The following MAF variants were observed in gnomAD, a reference collection of about 807,000 sequenced individuals.
MAF encodes the protein MAF bZIP transcription factor, also known as transcription factor Maf.
In MAF, 10 loss-of-function variants were observed where a neutral mutation model predicts 22.0. The ratio of observed to expected loss-of-function variants is 0.45; its 90% CI spans 0.28 to 0.77. The LOEUF is 0.77. MAF is among the 30% of genes least tolerant of loss of function. The probability of loss-of-function intolerance (pLI) is 0.12; values close to 1 mark genes in which losing one functional copy is unlikely to be tolerated. For missense variants in MAF, 544 were observed against 548.4 expected, an observed-to-expected ratio of 0.99 and a Z score of 0.08; for synonymous variants, 337 against 255.8, an observed-to-expected ratio of 1.32 and a Z score of -3.03.
chr16:79,580,301 G>A, the MAF span, among the ~76,000 whole-genome samples: 1 of 152,144 alleles, frequency 6.6e-6, no homozygotes, highest in African/African-American at 2.4e-5. Context: ...TTAGACTAGG[G>A]TCTTGTCAGG....
the MAF span, among the ~76,000 whole-genome samples, chr16:79,379,853 G>A: frequency 6.6e-6 from 1 of 152,142 alleles, no homozygotes; most frequent in African/African-American, 2.4e-5. Flanking sequence ...ATCAGCTAGA[G>A]GGTGCCTCAC....
the MAF span, among the ~76,000 whole-genome samples, chr16:79,534,277 C>T: frequency 1.2e-3 from 188 of 152,232 alleles, no homozygotes; most frequent in African/African-American, 3.8e-3. Flanking sequence ...TTAGGTGTCA[C>T]GCACACTCTT....
chr16:79,584,724 C>A (rs571637906), downstream of MAF, among the ~76,000 whole-genome samples: 7 of 139,846 alleles, frequency 5.0e-5, no homozygotes, highest in African/African-American at 1.7e-4. Context: ...ACAAATTAAC[C>A]CCAAATGTAT....
At chr16:79,258,653 C>T in the MAF span, among the ~76,000 whole-genome samples, 2 of 152,200 alleles carry the variant, frequency 1.3e-5, no homozygotes, top group Non-Finnish European at 2.9e-5. Flanking sequence ...AACAAGGGGC[C>T]ACCTGCCCCT....
chr16:79,210,063 C>T, the MAF span, among the ~76,000 whole-genome samples: 2 of 152,176 alleles, frequency 1.3e-5, no homozygotes, highest in African/African-American at 4.8e-5. Flanking sequence ...AATTCAGGAC[C>T]AGTGGAACTT....
At chr16:79,320,813 C>T in the MAF span, among the ~76,000 whole-genome samples, 1 of 145,048 alleles carries the variant, frequency 6.9e-6, no homozygotes, top group African/African-American at 2.4e-5. Context: ...TGCTATAGCC[C>T]TGTGTTAAGT....
At chr16:79,519,914 C>T in the MAF span, among the ~76,000 whole-genome samples, 1 of 152,350 alleles carries the variant, frequency 6.6e-6, no homozygotes, top group African/African-American at 2.4e-5. Context: ...CATGTGTCCT[C>T]CATCCGGGAC....
the MAF span, among the ~76,000 whole-genome samples, chr16:79,273,949 C>CT: frequency 3.5e-3 from 300 of 86,404 alleles, 2 homozygotes; most frequent in African/African-American, 6.7e-3. Context: ...TCGTGTCTGC[C>CT]TTTTTTTTTT....
the MAF span, among the ~76,000 whole-genome samples, chr16:79,552,852 G>A: frequency 6.6e-6 from 1 of 152,326 alleles, no homozygotes; most frequent in East Asian, 1.9e-4. Flanking sequence ...GTTGACACAT[G>A]AGAGACCAGA....
At chr16:79,588,685 C>T (rs985567973) in intron 1 of MAF, among the ~76,000 whole-genome samples, 1 of 152,130 alleles carries the variant, frequency 6.6e-6, no homozygotes, top group Admixed American at 6.5e-5. Flanking sequence ...TGGTCTCAAA[C>T]TCCTGACCTC....
At chr16:79,473,131 G>A in the MAF span, among the ~76,000 whole-genome samples, 17 of 152,104 alleles carry the variant, frequency 1.1e-4, no homozygotes, top group Non-Finnish European at 2.2e-4. Flanking sequence ...CCATCTGGTC[G>A]TTCACACCCC....
the MAF span, among the ~76,000 whole-genome samples, chr16:79,502,537 A>T: frequency 6.6e-6 from 1 of 151,462 alleles, no homozygotes; most frequent in Non-Finnish European, 1.5e-5. Flanking sequence ...GTGGTGGTGC[A>T]CACCTGTAGT....
chr16:79,328,917 A>G, the MAF span, among the ~76,000 whole-genome samples: 4 of 152,152 alleles, frequency 2.6e-5, no homozygotes, highest in South Asian at 4.1e-4. Flanking sequence ...TGCTAAGGGC[A>G]TAACTGGGTG....
chr16:79,271,485 T>C, the MAF span, among the ~76,000 whole-genome samples: 1 of 152,174 alleles, frequency 6.6e-6, no homozygotes, highest in African/African-American at 2.4e-5. Flanking sequence ...AATAAAGATG[T>C]TGAATTACCT....
chr16:79,424,664 G>C, the MAF span, among the ~76,000 whole-genome samples: 1 of 152,278 alleles, frequency 6.6e-6, no homozygotes, highest in African/African-American at 2.4e-5. Context: ...GTAGCCAGCT[G>C]GATCCTACCA....
the MAF span, among the ~76,000 whole-genome samples, chr16:79,520,484 T>C: frequency 2.6e-5 from 4 of 151,982 alleles, no homozygotes; most frequent in Non-Finnish European, 5.9e-5. Flanking sequence ...TGTGTGTGTG[T>C]GCGTGTGTGT....
chr16:79,303,470 T>C, the MAF span, among the ~76,000 whole-genome samples: 2 of 152,204 alleles, frequency 1.3e-5, no homozygotes, highest in African/African-American at 4.8e-5. Context: ...TCTTCAAGAA[T>C]GATCCCTGCT....
At chr16:79,461,698 T>C in the MAF span, among the ~76,000 whole-genome samples, 1 of 152,110 alleles carries the variant, frequency 6.6e-6, no homozygotes, top group African/African-American at 2.4e-5. Context: ...GAGAGGGCGC[T>C]CATGTCCATG....
the MAF span, among the ~76,000 whole-genome samples, chr16:79,230,618 A>G: frequency 2.0e-4 from 30 of 152,130 alleles, no homozygotes; most frequent in Admixed American, 2.0e-3. Context: ...TGCAAAGTTG[A>G]CCTGAAAATG....
Sources: gnomAD v4.1 joint callset for allele counts (sites outside exome capture counted in the v4.1 genomes callset) on GRCh38, gnomAD v4.1.1 for gene constraint, MANE v1.5 for transcripts, NCBI Gene and HGNC (gene_info 2026-07-23, HGNC 2026-07-21) for gene names.